The following WDR25 variants were observed in gnomAD, a reference collection of about 807,000 sequenced individuals.
The protein encoded by WDR25 is WD repeat-containing protein 25.
WDR25 carries 35 observed loss-of-function variants against 47.7 expected under a neutral mutation model. The ratio of observed to expected loss-of-function variants is 0.73; its 90% CI spans 0.56 to 0.97. The LOEUF (loss-of-function observed/expected upper bound fraction) is 0.97, where lower values mean the gene tolerates loss of function less well. Among genes scored for constraint, WDR25 ranks in the 50% least tolerant of loss-of-function variants. The pLI is 0.00. For missense variants in WDR25, 634 were observed against 704.7 expected (o/e 0.90, Z 1.14); for synonymous variants, 248 against 278.9 (o/e 0.89, Z 1.10).
intron 2 of WDR25, among the ~76,000 whole-genome samples, chr14:100,459,823 A>G (rs1899318419): frequency 6.8e-6 from 1 of 146,758 alleles, no homozygotes; most frequent in East Asian, 2.0e-4. Flanking sequence ...TAAGGCACTC[A>G]GTTTATGGTA....
At chr14:100,389,998 CCTTT>C (rs796389192) in intron 2 of WDR25, among the ~76,000 whole-genome samples, 10 of 152,240 alleles carry the variant, frequency 6.6e-5, no homozygotes, top group African/African-American at 2.4e-4. Context: ...TATTTCTTGG[CCTTT>C]CTGTTTTATT....
chr14:100,378,150 G>A (rs1342171726), intron 1 of WDR25, among the ~76,000 whole-genome samples: 2 of 148,658 alleles, frequency 1.3e-5, no homozygotes, highest in African/African-American at 4.9e-5. Flanking sequence ...TATTGTGTAT[G>A]ATGGTTCAGA....
intron 3 of WDR25, among the ~76,000 whole-genome samples, chr14:100,472,863 A>C (rs1445794127): frequency 6.6e-6 from 1 of 152,180 alleles, no homozygotes; most frequent in Non-Finnish European, 1.5e-5. Flanking sequence ...CCAGGCACTC[A>C]TGGCTGCAGG....
intron 2 of WDR25, among the ~76,000 whole-genome samples, chr14:100,382,504 A>G (rs1261892540): frequency 6.6e-6 from 1 of 152,008 alleles, no homozygotes; most frequent in Admixed American, 6.6e-5. Flanking sequence ...CCTTCTGGGG[A>G]CTTCTGGTTT....
chr14:100,481,103 C>CAAAAAA (rs71113268), intron 3 of WDR25: 89 of 248,172 alleles, frequency 3.6e-4, no homozygotes, highest in Middle Eastern at 1.4e-3. Context: ...CAAAAAAGTG[C>CAAAAAA]AAAAAAAAAA....
At position 100,529,957 on chromosome 14, in the gene WDR25, C is replaced by G. The variant is rs1566952317; in HGVS notation, c.1551C>G (p.Ala517=). 1 of 1,613,554 alleles carries G rather than the reference C, an allele frequency of 6.2e-7. No individual in the cohort carries two copies. Among genetic ancestry groups the G allele is most frequent in the Non-Finnish European group, 8.5e-7 (1 of 1,180,014 alleles). ...RACTLQGHTQ[A]CVGTTYHPVL... Reference sequence around the variant, plus strand: ...GCACACTGCAGGGGCACACACAGGCCTGTGTCGGCACCACCTATCACCCCG... The same window carrying G: ...GCACACTGCAGGGGCACACACAGGCGTGTGTCGGCACCACCTATCACCCCG... The change falls in exon 7 of 7, where the codon GCC becomes GCG. Residue 517 remains alanine (A), a synonymous_variant. Coordinates refer to ENST00000402312, the MANE Select transcript of WDR25 (RefSeq NM_001161476.3). This position sits in a 1 kb window ranked among gnomAD's most constrained non-coding sequence, Gnocchi z 5.1.
At chr14:100,403,004 C>T (rs1419828943) in intron 2 of WDR25, among the ~76,000 whole-genome samples, 2 of 151,908 alleles carry the variant, frequency 1.3e-5, no homozygotes, top group East Asian at 3.9e-4. Flanking sequence ...GTTCTTGACC[C>T]TGTCTCGCTG....
intron 5 of WDR25, among the ~76,000 whole-genome samples, chr14:100,528,733 G>A (rs1373112157): frequency 1.3e-5 from 2 of 152,194 alleles, no homozygotes; most frequent in Non-Finnish European, 2.9e-5. Context: ...ATTTTGGGGG[G>A]CATTTTCCTG....
At chr14:100,481,040 G>T (rs1900179698) in intron 3 of WDR25, 1 of 434,454 alleles carries the variant, frequency 2.3e-6, no homozygotes, top group African/African-American at 2.4e-5. Flanking sequence ...ACCTGCTCCT[G>T]CAAAAGTGGA....
At position 100,381,246 on chromosome 14, in the gene WDR25, C is replaced by T. The variant is rs1480805498; in HGVS notation, c.322C>T (p.Pro108Ser). ...CGGGAAGGAGCCTCAAGTCACCTTC[C>T]CCATCAAAGAGCCTTCTTGTTCTTC... ...WPGKEPQVTFPIKEPSCSSLW... is the reference protein window; with the variant it reads ...WPGKEPQVTFSIKEPSCSSLW... The change falls in exon 2 of 7, where the codon CCC becomes TCC. Residue 108 changes from proline (P) to serine (S), a missense_variant. By Grantham distance (74) the Pro-to-Ser change is moderately conservative. Transcript: ENST00000402312. 6.2e-7 allele frequency: 1 copy of T among 1,613,978 alleles called. No individual in the cohort carries two copies. Among genetic ancestry groups the T allele is most frequent in the Non-Finnish European group, 8.5e-7 (1 of 1,179,984 alleles).
chr14:100,484,197 G>T, intron 4 of WDR25, 73 bp downstream of exon 4: 1 of 1,538,238 alleles, frequency 6.5e-7, no homozygotes. Context: ...TTGGGGGCAG[G>T]TCAGCATCTA....
chr14:100,442,228 G>A (rs574880690), intron 2 of WDR25, among the ~76,000 whole-genome samples: 1 of 152,190 alleles, frequency 6.6e-6, no homozygotes, highest in South Asian at 2.1e-4. Context: ...CACCTGTTTT[G>A]TGGCTAGCCC....
At position 100,454,799 on chromosome 14, in the gene WDR25, A is replaced by T. The variant is rs531880429; in HGVS notation, c.823-13222A>T. On this transcript the variant is annotated intron_variant, in intron 2 of 6. Coordinates refer to ENST00000402312, the MANE Select transcript of WDR25 (RefSeq NM_001161476.3). ...GAAAGTGGCTATAAACTCTACCCAA[A>T]TCTTTGAATGCAGACTCTAAGCAGC... The T allele has an allele frequency of 2.3e-5, 6 of 255,774 alleles. No homozygotes were observed. The South Asian group carries it at 3.0e-4, about 13-fold the overall frequency. 15.8% of individuals were successfully genotyped at this position (255,774 alleles called of 1,614,324 possible).
At chr14:100,481,434 A>G (rs1900198837) in intron 3 of WDR25, among the ~76,000 whole-genome samples, 1 of 119,174 alleles carries the variant, frequency 8.4e-6, no homozygotes. Flanking sequence ...TTTTAAGTGT[A>G]AATGCTTTTT....
intron 4 of WDR25, among the ~76,000 whole-genome samples, chr14:100,486,928 G>T (rs570505432): frequency 3.9e-5 from 6 of 152,000 alleles, no homozygotes; most frequent in Admixed American, 3.9e-4. Context: ...AGAGAGGAGG[G>T]GGAGTCCAAG....
chr14:100,414,948 G>A (rs1897829466), intron 2 of WDR25, among the ~76,000 whole-genome samples: 1 of 151,914 alleles, frequency 6.6e-6, no homozygotes, highest in Non-Finnish European at 1.5e-5. Flanking sequence ...ATTTCTAGAT[G>A]GAGAATAGGT....
chr14:100,460,174 G>A (rs1445693136), intron 2 of WDR25, among the ~76,000 whole-genome samples: 38 of 148,230 alleles, frequency 2.6e-4, no homozygotes, highest in Admixed American at 1.7e-3. Context: ...GTGCAGTGGC[G>A]CGATCTCGGC....
At chr14:100,402,230 C>T (rs1897400753) in intron 2 of WDR25, among the ~76,000 whole-genome samples, 1 of 152,172 alleles carries the variant, frequency 6.6e-6, no homozygotes, top group Admixed American at 6.5e-5. Context: ...GACATCTTCT[C>T]TCCTGATATG....
chr14:100,376,551 T>TA (rs1249531002), intron 1 of WDR25, 56 bp downstream of exon 1: 2 of 1,231,726 alleles, frequency 1.6e-6, no homozygotes, highest in African/African-American at 1.6e-5. Context: ...GGGCAGCGCC[T>TA]AAAGCGCCCC....
Sources: gnomAD v4.1 joint callset for allele counts (sites outside exome capture counted in the v4.1 genomes callset) on GRCh38, gnomAD v4.1.1 for gene constraint, Gnocchi (gnomAD v3.1) non-coding constraint, MANE v1.5 for transcripts, NCBI Gene and HGNC (gene_info 2026-07-23, HGNC 2026-07-21) for gene names.